The following FBXL7 variants were observed in gnomAD, a reference collection of about 807,000 sequenced individuals.
The protein encoded by FBXL7 is F-box/LRR-repeat protein 7.
Under a neutral mutation model 38.3 loss-of-function variants are expected in FBXL7, and 12 were observed. The ratio of observed to expected loss-of-function variants is 0.31; its 90% CI spans 0.20 to 0.51. FBXL7 has a LOEUF of 0.51. FBXL7 is among the 20% of genes least tolerant of loss of function. The probability of loss-of-function intolerance (pLI) is 0.98; values close to 1 mark genes in which losing one functional copy is unlikely to be tolerated. For missense variants in FBXL7, 567 were observed against 676.4 expected (o/e 0.84, Z 1.79); for synonymous variants, 297 against 300.9 (o/e 0.99, Z 0.13).
intron 1 of FBXL7, among the ~76,000 whole-genome samples, chr5:15,535,021 T>C (rs1275101760): frequency 6.6e-6 from 1 of 152,234 alleles, no homozygotes; most frequent in African/African-American, 2.4e-5. Flanking sequence ...TGAGATCTGA[T>C]AGTTTAAAAG....
chr5:15,585,417 A>C (rs1417636452), intron 1 of FBXL7, among the ~76,000 whole-genome samples: 1 of 152,248 alleles, frequency 6.6e-6, no homozygotes, highest in Non-Finnish European at 1.5e-5. Flanking sequence ...TACATGGAAA[A>C]TTCATCACCT....
At chr5:15,733,546 A>G (rs1173774531) in intron 2 of FBXL7, among the ~76,000 whole-genome samples, 1 of 152,214 alleles carries the variant, frequency 6.6e-6, no homozygotes, top group Non-Finnish European at 1.5e-5. Context: ...GGGAAGAGTT[A>G]ATGCAACAAA....
chr5:15,509,058 C>T (rs969542126), intron 1 of FBXL7, among the ~76,000 whole-genome samples: 4 of 152,180 alleles, frequency 2.6e-5, no homozygotes, highest in Admixed American at 2.6e-4. Context: ...TTGAATAAAT[C>T]TTTTCACTTC....
intron 2 of FBXL7, among the ~76,000 whole-genome samples, chr5:15,895,255 A>G (rs1431039943): frequency 6.6e-6 from 1 of 151,948 alleles, no homozygotes; most frequent in Non-Finnish European, 1.5e-5. Context: ...ATAGATAATC[A>G]TTTTTCCTCT....
chr5:15,736,247 A>G (rs1735744958), intron 2 of FBXL7, among the ~76,000 whole-genome samples: 1 of 152,222 alleles, frequency 6.6e-6, no homozygotes, highest in African/African-American at 2.4e-5. Flanking sequence ...ACCACTTTCA[A>G]AAGGACCTTT....
At chr5:15,722,546 G>T (rs890426028) in intron 2 of FBXL7, among the ~76,000 whole-genome samples, 11 of 152,296 alleles carry the variant, frequency 7.2e-5, no homozygotes, top group South Asian at 4.1e-4. Flanking sequence ...ATGAAGTGCA[G>T]TGGAACACAT....
intron 2 of FBXL7, among the ~76,000 whole-genome samples, chr5:15,785,823 C>A (rs1737119314): frequency 6.6e-6 from 1 of 152,238 alleles, no homozygotes. Context: ...AGTTCAGTTG[C>A]ATCTGGCACG....
chr5:15,588,585 G>C (rs1245794591), intron 1 of FBXL7, among the ~76,000 whole-genome samples: 5 of 151,884 alleles, frequency 3.3e-5, no homozygotes, highest in Non-Finnish European at 5.9e-5. Flanking sequence ...CAGGGTTTCA[G>C]CATGTTGGCT....
At chr5:15,678,329 T>C (rs1742727494) in intron 2 of FBXL7, among the ~76,000 whole-genome samples, 1 of 152,166 alleles carries the variant, frequency 6.6e-6, no homozygotes, top group Non-Finnish European at 1.5e-5. Flanking sequence ...GTGATACTGA[T>C]GTTCAGATTT....
intron 1 of FBXL7, 99 bp downstream of exon 1, chr5:15,500,812 A>G: frequency 2.1e-6 from 3 of 1,455,740 alleles, no homozygotes. Context: ...CGCGGCCGTG[A>G]CGCACCCCAT....
intron 1 of FBXL7, among the ~76,000 whole-genome samples, chr5:15,605,355 A>C (rs1026503588): frequency 3.3e-5 from 5 of 152,212 alleles, no homozygotes; most frequent in African/African-American, 1.2e-4. Flanking sequence ...CAGATGAATG[A>C]ATAAACAAAA....
intron 2 of FBXL7, among the ~76,000 whole-genome samples, chr5:15,834,214 T>C (rs1185604825): frequency 6.6e-6 from 1 of 152,190 alleles, no homozygotes; most frequent in Non-Finnish European, 1.5e-5. Context: ...CAAATCCACC[T>C]AAGGGCTGTA....
chr5:15,719,457 A>T (rs964964258), intron 2 of FBXL7, among the ~76,000 whole-genome samples: 1 of 149,314 alleles, frequency 6.7e-6, no homozygotes, highest in Admixed American at 6.8e-5. Flanking sequence ...CTTATTTTAC[A>T]AAGAAGGGAA....
intron 2 of FBXL7, among the ~76,000 whole-genome samples, chr5:15,786,097 C>T (rs1579461006): frequency 6.6e-6 from 1 of 152,264 alleles, no homozygotes; most frequent in African/African-American, 2.4e-5. Flanking sequence ...TTTTCTAAAT[C>T]ATTTTTTCTG....
chr5:15,928,117 G>A lies in FBXL7; in HGVS notation c.355G>A (p.Asp119Asn). The A allele has an allele frequency of 6.2e-7, 1 of 1,611,026 alleles. No homozygotes were observed. Among genetic ancestry groups the A allele is most frequent in the East Asian group, 2.2e-5 (1 of 44,664 alleles). Residue 119 changes from aspartate to asparagine, a missense_variant, in exon 3 of 4, where the codon GAC becomes AAC. By Grantham distance (23) the Asp-to-Asn change is conservative. Transcript: ENST00000504595. This position sits in a 1 kb window ranked among gnomAD's most constrained non-coding sequence, Gnocchi z 4.0. ...KEQASIDRLP[D>N]HSMVQIFSFL... The stretch of plus-strand genomic sequence containing the variant: ...GCAGGCCAGCATAGACCGGCTCCCG[G>A]ACCACTCCATGGTGCAGATCTTCTC...
rs57281239 is a variant in FBXL7, at chr5:15,845,832, G to A, written c.128-82058G>A. ...TAAAAATACAAAAAATTAGCCGGGC[G>A]TGGTGGCGGGTGCCTGGAGTCCCAG... On this transcript the variant is annotated intron_variant, in intron 2 of 3. Transcript: ENST00000504595. Among the ~76,000 whole-genome samples the A allele has an allele frequency of 6.2e-3, 938 of 152,230 alleles. 19 individuals carry two copies. The highest frequency in any genetic ancestry group is 0.021 in the African/African-American group (885 of 41,530).
At chr5:15,743,782 C>T (rs564959703) in intron 2 of FBXL7, among the ~76,000 whole-genome samples, 3 of 152,352 alleles carry the variant, frequency 2.0e-5, no homozygotes, top group Admixed American at 6.5e-5. Flanking sequence ...ACCTGGACAT[C>T]GGGTGTTTTC....
intron 2 of FBXL7, among the ~76,000 whole-genome samples, chr5:15,674,906 A>G (rs1192446649): frequency 2.0e-5 from 3 of 152,196 alleles, no homozygotes; most frequent in Non-Finnish European, 4.4e-5. Flanking sequence ...TTAAGATTCC[A>G]GGACTGACCT....
intron 2 of FBXL7, among the ~76,000 whole-genome samples, chr5:15,688,843 G>A (rs537713956): frequency 1.3e-5 from 2 of 152,336 alleles, no homozygotes; most frequent in Admixed American, 1.3e-4. Flanking sequence ...TATGTAGGCA[G>A]TGCCTGAGAG....
Sources: allele counts gnomAD v4.1 joint callset (sites outside exome capture counted in the v4.1 genomes callset), GRCh38; gene constraint gnomAD v4.1.1; non-coding constraint Gnocchi (gnomAD v3.1); transcripts MANE v1.5; gene names NCBI Gene and HGNC (gene_info 2026-07-23, HGNC 2026-07-21).